Variants in SLC24A3 observed in about 807,000 individuals in gnomAD.
SLC24A3 encodes the protein sodium/potassium/calcium exchanger 3.
A neutral mutation model predicts 75.8 loss-of-function variants in SLC24A3; 28 were observed. The observed-to-expected ratio is 0.37, with a 90% CI of 0.27 to 0.51. The LOEUF (loss-of-function observed/expected upper bound fraction) is 0.51. Among genes scored for constraint, SLC24A3 ranks in the 20% least tolerant of loss-of-function variants. The pLI is 0.94. For missense variants in SLC24A3, 663 were observed against 847.8 expected, an observed-to-expected ratio of 0.78 and a Z score of 2.71; for synonymous variants, 372 against 334.1, an observed-to-expected ratio of 1.11 and a Z score of -1.24.
At chr20:19,562,950 T>G (rs1191966040) in intron 3 of SLC24A3, among the ~76,000 whole-genome samples, 1 of 152,178 alleles carries the variant, frequency 6.6e-6, no homozygotes, top group Non-Finnish European at 1.5e-5. Flanking sequence ...AATCTTACTA[T>G]GGCTTTCAGC....
intron 2 of SLC24A3, among the ~76,000 whole-genome samples, chr20:19,473,091 C>T (rs937783956): frequency 2.0e-5 from 3 of 152,166 alleles, no homozygotes; most frequent in African/African-American, 7.2e-5. Flanking sequence ...TATTTCTGGC[C>T]TCTCCCCTCC....
chr20:19,444,809 C>T (rs529368311), intron 2 of SLC24A3, among the ~76,000 whole-genome samples: 23 of 151,822 alleles, frequency 1.5e-4, no homozygotes, highest in African/African-American at 5.5e-4. Context: ...TTTTTAGTTT[C>T]ATTGATTTCT....
At chr20:19,354,956 T>A (rs910835014) in intron 2 of SLC24A3, among the ~76,000 whole-genome samples, 10 of 152,130 alleles carry the variant, frequency 6.6e-5, no homozygotes, top group Non-Finnish European at 2.9e-5. Context: ...CTTCAAGCTC[T>A]TCCCTGTAAG....
chr20:19,366,952 G>C (rs375240334), intron 2 of SLC24A3, among the ~76,000 whole-genome samples: 28 of 152,216 alleles, frequency 1.8e-4, no homozygotes, highest in African/African-American at 6.7e-4. Flanking sequence ...AACCCCAAGT[G>C]CTCTCTACTT....
At chr20:19,514,171 G>A (rs994024539) in intron 2 of SLC24A3, among the ~76,000 whole-genome samples, 4 of 152,134 alleles carry the variant, frequency 2.6e-5, no homozygotes, top group African/African-American at 7.2e-5. Context: ...CAAATCCTCC[G>A]GGCAAGCCAG....
intron 2 of SLC24A3, among the ~76,000 whole-genome samples, chr20:19,415,274 A>T (rs1478971045): frequency 6.6e-6 from 1 of 152,248 alleles, no homozygotes. Context: ...TTCATTGTAG[A>T]ATATAAGCCT....
intron 6 of SLC24A3, among the ~76,000 whole-genome samples, chr20:19,618,724 G>T (rs979667946): frequency 1.3e-5 from 2 of 152,180 alleles, no homozygotes; most frequent in East Asian, 1.9e-4. Context: ...TGGGATTGTT[G>T]TAAAGATTAA....
At chr20:19,517,944 C>T (rs1394045254) in intron 3 of SLC24A3, among the ~76,000 whole-genome samples, 1 of 152,158 alleles carries the variant, frequency 6.6e-6, no homozygotes. Flanking sequence ...TGTTATCCTA[C>T]CCACTAGAAT....
chr20:19,453,630 T>C (rs995979929), intron 2 of SLC24A3, among the ~76,000 whole-genome samples: 11 of 152,228 alleles, frequency 7.2e-5, no homozygotes, highest in African/African-American at 2.7e-4. Flanking sequence ...ATGGTCAGTG[T>C]TGAAGTTCTA....
chr20:19,263,548 C>T (rs566898348), intron 1 of SLC24A3, among the ~76,000 whole-genome samples: 21 of 152,324 alleles, frequency 1.4e-4, no homozygotes, highest in African/African-American at 4.3e-4. Flanking sequence ...AAGCAAGCCT[C>T]CCCGTTTCTC....
At chr20:19,661,613 C>T (rs1185340615) in intron 7 of SLC24A3, among the ~76,000 whole-genome samples, 1 of 152,134 alleles carries the variant, frequency 6.6e-6, no homozygotes, top group Non-Finnish European at 1.5e-5. Flanking sequence ...TTGATTTTCT[C>T]CCATTATTTT....
chr20:19,515,839 C>G (rs1600261764), intron 3 of SLC24A3, among the ~76,000 whole-genome samples: 1 of 152,242 alleles, frequency 6.6e-6, no homozygotes, highest in Non-Finnish European at 1.5e-5. Context: ...CATGACTTAA[C>G]CCTACTCTCT....
chr20:19,713,519 A>T (rs1474086233), intron 15 of SLC24A3, among the ~76,000 whole-genome samples: 2 of 152,114 alleles, frequency 1.3e-5, no homozygotes, highest in African/African-American at 4.8e-5. Context: ...TCCAAATGAG[A>T]CTTCATGGAC....
intron 2 of SLC24A3, among the ~76,000 whole-genome samples, chr20:19,422,330 G>T (rs556251611): frequency 6.6e-6 from 1 of 152,104 alleles, no homozygotes; most frequent in Non-Finnish European, 1.5e-5. Flanking sequence ...GAGAGGGCAG[G>T]CTGCTACTGG....
chr20:19,549,586 C>G (rs1422652523), intron 3 of SLC24A3, among the ~76,000 whole-genome samples: 1 of 152,152 alleles, frequency 6.6e-6, no homozygotes, highest in East Asian at 1.9e-4. Flanking sequence ...GAGTTCAAAA[C>G]CAGCTTGGCC....
At chr20:19,514,033 A>G (rs962450298) in intron 2 of SLC24A3, among the ~76,000 whole-genome samples, 1 of 152,220 alleles carries the variant, frequency 6.6e-6, no homozygotes, top group Non-Finnish European at 1.5e-5. Context: ...TATGTACTAG[A>G]CGTACCCTTT....
At position 19,621,639 on chromosome 20, in the gene SLC24A3, C is replaced by T. The variant is rs949959681; in HGVS notation, c.613-32423C>T. ...ATCATGCACATGGATCACTGGGGAT[C>T]GGGTTAAAATGCAGATTCTAATTTG... On this transcript the variant is annotated intron_variant, in intron 6 of 16. Transcript: ENST00000328041. Among the ~76,000 whole-genome samples the T allele has an allele frequency of 3.3e-5, 5 of 152,082 alleles. No homozygotes were observed. In the East Asian group the frequency reaches 5.8e-4, roughly 18 times the overall value.
Position 19,687,518 on chromosome 20 carries a change from C to T in SLC24A3, c.1324+2157C>T, listed in dbSNP as rs150638653. ...TTACTCAACCCCTGTTTTCAGAGTC[C>T]GCCATTAGCTGGCCATAACCAAGCT... On this transcript the variant is annotated intron_variant, in intron 12 of 16. Transcript: ENST00000328041. Among the ~76,000 whole-genome samples the T allele has an allele frequency of 1.3e-4, 20 of 152,312 alleles. No homozygotes were observed. In the East Asian group the frequency reaches 2.3e-3, roughly 18 times the overall value.
At chr20:19,710,108 G>A (rs1208761420) in intron 15 of SLC24A3, among the ~76,000 whole-genome samples, 2 of 152,184 alleles carry the variant, frequency 1.3e-5, no homozygotes, top group African/African-American at 4.8e-5. Flanking sequence ...ACCCAAATAA[G>A]AAAATGTGAA....
Sources: gnomAD v4.1 joint callset for allele counts (sites outside exome capture counted in the v4.1 genomes callset) on GRCh38, gnomAD v4.1.1 for gene constraint, MANE v1.5 for transcripts, NCBI Gene and HGNC (gene_info 2026-07-23, HGNC 2026-07-21) for gene names.